ZSCAN30: variants seen among roughly 807,000 people sequenced by gnomAD.
ZSCAN30 encodes zinc finger and SCAN domain-containing protein 30.
Under a neutral mutation model 44.3 loss-of-function variants are expected in ZSCAN30, and 37 were observed. That is an observed-to-expected ratio of 0.84 (90% confidence interval 0.64 to 1.10). The LOEUF (loss-of-function observed/expected upper bound fraction) is 1.10, where lower values mean the gene tolerates loss of function less well. Among genes scored for constraint, ZSCAN30 ranks in the 50% least tolerant of loss-of-function variants. The pLI is 0.00. For synonymous variants in ZSCAN30, 181 were observed against 204.6 expected (o/e 0.88, Z 0.98); for missense variants, 549 against 582.6 (o/e 0.94, Z 0.59).
chr18:35,277,865 G>A (rs987325740), intron 1 of ZSCAN30, among the ~76,000 whole-genome samples: 3 of 152,046 alleles, frequency 2.0e-5, no homozygotes, highest in South Asian at 2.1e-4. Flanking sequence ...CCTTCCTTCT[G>A]CTGTTCTGTT....
chr18:35,264,822 T>C (rs537725506), intron 1 of ZSCAN30, among the ~76,000 whole-genome samples: 2 of 152,272 alleles, frequency 1.3e-5, no homozygotes, highest in South Asian at 4.1e-4. Flanking sequence ...TTATATGCTT[T>C]TCCTAACAAC....
At position 35,266,657 on chromosome 18, in the gene ZSCAN30, A is replaced by ATTTTTTTTTTT. The variant is rs34611791; in HGVS notation, c.-103-2213_-103-2203dup. 3.6e-4 allele frequency: 28 copies of ATTTTTTTTTTT among 78,642 alleles called. 1 individual carries two copies. The highest frequency in any genetic ancestry group is 3.7e-4 in the Non-Finnish European group (16 of 43,300). The allele number at this position is 78,642 out of a possible 1,614,324, so 4.9% of individuals were successfully genotyped here. A position where few individuals can be genotyped will look rare whatever the true frequency, so the allele number is the denominator to read the frequency against. Reference sequence around the variant, plus strand: ...AAGAACCCTGGGGATATTTCTCCTAATTTTTTTTTTTTTTTTTTTTTTTTT... The same window carrying ATTTTTTTTTTT: ...AAGAACCCTGGGGATATTTCTCCTAATTTTTTTTTTTTTTTTTTTTTTTTTTTTTTTTTTTT... On this transcript the variant is annotated intron_variant, in intron 1 of 3. Transcript: ENST00000333206.
chr18:35,271,120 T>G (rs764967131), intron 1 of ZSCAN30, among the ~76,000 whole-genome samples: 38 of 152,300 alleles, frequency 2.5e-4, no homozygotes, highest in Non-Finnish European at 4.9e-4. Context: ...GCAGCAAGAT[T>G]TATTGCAAAA....
intron 1 of ZSCAN30, among the ~76,000 whole-genome samples, chr18:35,280,130 G>A (rs1474933453): frequency 6.6e-6 from 1 of 152,006 alleles, no homozygotes; most frequent in Non-Finnish European, 1.5e-5. Flanking sequence ...AGAAAAATTA[G>A]CCAGTCATGG....
intron 1 of ZSCAN30, among the ~76,000 whole-genome samples, chr18:35,271,323 C>T (rs2044269948): frequency 6.6e-6 from 1 of 152,156 alleles, no homozygotes; most frequent in Non-Finnish European, 1.5e-5. Context: ...GGTGCGTTTA[C>T]AATCCCTGAG....
chr18:35,264,293 T>C lies in ZSCAN30; in HGVS notation c.60A>G (p.Leu20=). Residue 20 remains leucine (L), a synonymous_variant, in exon 2 of 4, where the codon CTA becomes CTG. Transcript: ENST00000333206. The stretch of plus-strand genomic sequence containing the variant: ...AATTTTCTTCTTCAACCTTGACAAC[T>C]AGAAGTCCTTCCTGTTCTTCTGGAG... The part of the protein sequence containing the change: ...YHAPEEQEGL[L]VVKVEEENYV... 6.2e-7 allele frequency: 1 copy of C among 1,614,168 alleles called. No individual in the cohort carries two copies. The highest frequency in any genetic ancestry group is 8.5e-7 in the Non-Finnish European group (1 of 1,180,044).
At position 35,263,599 on chromosome 18, in the gene ZSCAN30, T is replaced by G; in HGVS notation, c.467A>C (p.Lys156Thr). 1 of 1,614,210 alleles carries G rather than the reference T, an allele frequency of 6.2e-7. No individual in the cohort carries two copies. Among genetic ancestry groups the G allele is most frequent in the Non-Finnish European group, 8.5e-7 (1 of 1,180,044 alleles). ...CACCGGGCTATTCAGAGACAGAGAC[T>G]TCAGTGCTCCTGTGGATGTCATTTC... ...WQEMTSTGALKSLSLNSPVQP... is the reference protein window; with the variant it reads ...WQEMTSTGALTSLSLNSPVQP... Residue 156 changes from lysine (K) to threonine (T), a missense_variant, in exon 3 of 4, where the codon AAG (lysine) becomes ACG (threonine). Transcript: ENST00000333206.
chr18:35,289,175 C>G (rs2044608201), intron 1 of ZSCAN30, among the ~76,000 whole-genome samples: 1 of 152,132 alleles, frequency 6.6e-6, no homozygotes, highest in African/African-American at 2.4e-5. Flanking sequence ...AGGGTTTCAC[C>G]TTGTTGGCCA....
rs775603577 is a variant in ZSCAN30, at chr18:35,264,060, GCCAGGAACTGCTCCAACATCAGCAGCT to G, written c.266_292del (p.Glu89_Leu97del). 1.9e-6 allele frequency: 3 copies of G among 1,614,082 alleles called. No homozygotes were observed. Among genetic ancestry groups the G allele is most frequent in the East Asian group, 2.2e-5 (1 of 44,884 alleles). On this transcript the variant is annotated inframe_deletion, in exon 2 of 4. Coordinates refer to ENST00000333206, the MANE Select transcript of ZSCAN30 (RefSeq NM_001112734.4). ...AGCTTGCAGCTCCTCAGGAAGGATGGCCAGGAACTGCTCCAACATCAGCAGCTCCAGGATCTGCTCCTTGGAGTGCAC... is the reference window on the plus strand; with the variant it reads ...AGCTTGCAGCTCCTCAGGAAGGATGGCCAGGATCTGCTCCTTGGAGTGCAC...
At chr18:35,272,738 C>G (rs2044305566) in intron 1 of ZSCAN30, among the ~76,000 whole-genome samples, 1 of 152,220 alleles carries the variant, frequency 6.6e-6, no homozygotes, top group African/African-American at 2.4e-5. Flanking sequence ...AGTCCGTTTT[C>G]ACGCTGCTGA....
chr18:35,255,417 A>G (rs1158100612), intron 3 of ZSCAN30, among the ~76,000 whole-genome samples: 1 of 152,018 alleles, frequency 6.6e-6, no homozygotes, highest in Non-Finnish European at 1.5e-5. Context: ...TGCATTTTAC[A>G]TATCAGGAAA....
chr18:35,288,207 A>G (rs1443448148), intron 1 of ZSCAN30, among the ~76,000 whole-genome samples: 2 of 152,272 alleles, frequency 1.3e-5, no homozygotes, highest in African/African-American at 4.8e-5. Flanking sequence ...ACTAGTGTCC[A>G]GAATGGACGA....
At chr18:35,264,978 C>T (rs2044115007) in intron 1 of ZSCAN30, among the ~76,000 whole-genome samples, 1 of 151,986 alleles carries the variant, frequency 6.6e-6, no homozygotes, top group South Asian at 2.1e-4. Context: ...AACCCCATCT[C>T]TACTAAAAAT....
intron 1 of ZSCAN30, chr18:35,282,300 T>G (rs2044469013): frequency 6.6e-6 from 1 of 152,204 alleles, no homozygotes; most frequent in Admixed American, 6.5e-5. Context: ...TTTTCCTCTT[T>G]TGGGAAATGG....
In ZSCAN30 at chr18:35,254,353, C is replaced by A; in HGVS notation, c.582G>T (p.Leu194Phe). Residue 194 changes from leucine to phenylalanine, a missense_variant, in exon 4 of 4, where the codon TTG (leucine) becomes TTT (phenylalanine). Transcript: ENST00000333206. ...RDGRMVAGKV[L>F]MAKQEIVECV... is the part of the protein sequence containing the mutation. The stretch of plus-strand genomic sequence containing the variant: ...ATTCAACAATTTCTTGCTTTGCCAT[C>A]AACACTTTGCCAGCCACCATCCTGC... 6.2e-7 allele frequency: 1 copy of A among 1,613,896 alleles called. No individual in the cohort carries two copies. The highest frequency in any genetic ancestry group is 8.5e-7 in the Non-Finnish European group (1 of 1,179,784).
chr18:35,273,373 T>A (rs2044317503), intron 1 of ZSCAN30, among the ~76,000 whole-genome samples: 1 of 152,262 alleles, frequency 6.6e-6, no homozygotes, highest in Admixed American at 6.5e-5. Context: ...TATGTCAGAT[T>A]TTCCTTTCTT....
rs777976931 is a variant in ZSCAN30 at position 35,276,460 on chromosome 18, G to A, written c.-103-12005C>T. Reference sequence around the variant, plus strand: ...TTAGGAGGAAAAAATGGTTTTGTGGGTGGGGCCTAGGGCTCCCCTGCTGTG... The same window carrying A: ...TTAGGAGGAAAAAATGGTTTTGTGGATGGGGCCTAGGGCTCCCCTGCTGTG... On this transcript the variant is annotated intron_variant, in intron 1 of 3. Transcript: ENST00000333206. Among the ~76,000 whole-genome samples the A allele has an allele frequency of 6.0e-4, 92 of 152,288 alleles. 1 individual carries two copies. The highest frequency in any genetic ancestry group is 1.9e-3 in the African/African-American group (79 of 41,552).
intron 3 of ZSCAN30, chr18:35,261,033 G>A (rs1169229618): frequency 6.6e-6 from 1 of 152,136 alleles, no homozygotes; most frequent in Non-Finnish European, 1.5e-5. Context: ...TTTGTACAAG[G>A]TGTAAAGGAG....
chr18:35,254,221 T>C lies in ZSCAN30; in HGVS notation c.714A>G (p.Gln238=). The C allele has an allele frequency of 6.2e-7, 1 of 1,614,170 alleles. No individual in the cohort carries two copies. Among genetic ancestry groups the C allele is most frequent in the Non-Finnish European group, 8.5e-7 (1 of 1,180,012 alleles). Residue 238 remains glutamine (Q), a synonymous_variant, in exon 4 of 4, where the codon CAA becomes CAG. Coordinates refer to ENST00000333206, the MANE Select transcript of ZSCAN30 (RefSeq NM_001112734.4). The stretch of plus-strand genomic sequence containing the variant: ...TTTTGTTCCCTGCAGCATTTCCCTT[T>C]TGCTTCTTAGAGTTGTCCAGACCTC... ...ALGGLDNSKK[Q]KGNAAGNKIS... is the part of the protein sequence containing the mutation.
Sources: allele counts gnomAD v4.1 joint callset (sites outside exome capture counted in the v4.1 genomes callset), GRCh38; gene constraint gnomAD v4.1.1; transcripts MANE v1.5; gene names NCBI Gene and HGNC (gene_info 2026-07-23, HGNC 2026-07-21).